Variants in CHRM3 observed in about 807,000 individuals in gnomAD.
CHRM3 encodes the protein cholinergic receptor muscarinic 3.
Under a neutral mutation model 41.8 loss-of-function variants are expected in CHRM3, and 11 were observed. The observed-to-expected ratio is 0.26, with a 90% CI of 0.17 to 0.44. The LOEUF (loss-of-function observed/expected upper bound fraction) is 0.44. CHRM3 is among the 20% of genes least tolerant of loss of function. The pLI is 1.00. For synonymous variants in CHRM3, 297 were observed against 301.4 expected (o/e 0.99, Z 0.15); for missense variants, 571 against 745.4 (o/e 0.77, Z 2.72).
At chr1:239,664,219 C>G (rs1176285121) in intron 4 of CHRM3, among the ~76,000 whole-genome samples, 3 of 152,222 alleles carry the variant, frequency 2.0e-5, no homozygotes. Context: ...AAAGCGTTAT[C>G]TTCACGTAAG....
At chr1:239,752,632 A>T (rs1019869578) in intron 5 of CHRM3, among the ~76,000 whole-genome samples, 1 of 152,142 alleles carries the variant, frequency 6.6e-6, no homozygotes, top group East Asian at 1.9e-4. Flanking sequence ...TACCATGTGG[A>T]TTTACCTTTT....
chr1:239,652,758 C>T (rs1672350726), intron 4 of CHRM3, among the ~76,000 whole-genome samples: 1 of 152,150 alleles, frequency 6.6e-6, no homozygotes, highest in African/African-American at 2.4e-5. Flanking sequence ...AGTCCCTTAA[C>T]CTCTTTGAGC....
intron 6 of CHRM3, among the ~76,000 whole-genome samples, chr1:239,882,084 T>C (rs923495672): frequency 8.5e-5 from 13 of 152,124 alleles, no homozygotes; most frequent in African/African-American, 3.1e-4. Flanking sequence ...TTTTGTATTT[T>C]TTTAGTAGAG....
rs528562777 is a variant in CHRM3 at position 239,420,109 on chromosome 1, G to C, written c.-521+32882G>C. 1.1e-4 allele frequency among the ~76,000 whole-genome samples: 17 copies of C among 152,310 alleles called. No homozygotes were observed. In the South Asian group the frequency reaches 2.1e-3, roughly 19 times the overall value. On this transcript the variant is annotated intron_variant, in intron 1 of 6. Coordinates refer to ENST00000676153, the MANE Select transcript of CHRM3 (RefSeq NM_001375978.1). ...AGCTGGGCCTGTAGTTTGAGGAGTA[G>C]AGTAAGAAGGCTTCTCTTTTTGGAG...
chr1:239,674,758 C>CAATTCAAA (rs1257118057), intron 4 of CHRM3, among the ~76,000 whole-genome samples: 2 of 150,394 alleles, frequency 1.3e-5, no homozygotes, highest in African/African-American at 4.9e-5. Context: ...ATCAGACAAG[C>CAATTCAAA]AATTCAAATC....
intron 3 of CHRM3, among the ~76,000 whole-genome samples, chr1:239,611,620 C>G (rs534602538): frequency 6.6e-6 from 1 of 151,990 alleles, no homozygotes; most frequent in Non-Finnish European, 1.5e-5. Flanking sequence ...GGGGTTTCAC[C>G]ATGTTGGCCA....
At chr1:239,637,718 TTTTTTTG>T (rs1462282057) in intron 4 of CHRM3, among the ~76,000 whole-genome samples, 1 of 149,746 alleles carries the variant, frequency 6.7e-6, no homozygotes, top group Non-Finnish European at 1.5e-5. Flanking sequence ...TTCTTTTTTT[TTTTTTTG>T]GGGAATTTGT....
intron 2 of CHRM3, among the ~76,000 whole-genome samples, chr1:239,533,739 AAAAAAAAAAAAC>A (rs1234938583): frequency 3.4e-5 from 5 of 147,816 alleles, no homozygotes; most frequent in African/African-American, 1.2e-4. Flanking sequence ...CTCAAAAAAA[AAAAAAAAAAAAC>A]AAAAAAACCC....
At chr1:239,752,294 CTG>C (rs772757632) in intron 5 of CHRM3, among the ~76,000 whole-genome samples, 4 of 152,264 alleles carry the variant, frequency 2.6e-5, no homozygotes, top group Middle Eastern at 6.8e-3. Flanking sequence ...GGGAAAAAGA[CTG>C]TAGTTAGGCA....
chr1:239,805,452 C>G (rs1289744462), intron 5 of CHRM3, among the ~76,000 whole-genome samples: 1 of 152,116 alleles, frequency 6.6e-6, no homozygotes, highest in African/African-American at 2.4e-5. Context: ...AAGCTTATAA[C>G]TTAGGTATTA....
intron 1 of CHRM3, among the ~76,000 whole-genome samples, chr1:239,412,197 T>TCCTC (rs1661132628): frequency 6.8e-6 from 1 of 146,480 alleles, no homozygotes; most frequent in African/African-American, 2.5e-5. Context: ...TTGTCTCAGG[T>TCCTC]CCTCCCTCCC....
intron 5 of CHRM3, among the ~76,000 whole-genome samples, chr1:239,775,662 G>T (rs1248193599): frequency 6.6e-6 from 1 of 152,136 alleles, no homozygotes; most frequent in South Asian, 2.1e-4. Context: ...GAAAGCACAA[G>T]GTATTGTAAA....
At chr1:239,873,872 C>T (rs1338440275) in intron 6 of CHRM3, among the ~76,000 whole-genome samples, 1 of 152,118 alleles carries the variant, frequency 6.6e-6, no homozygotes, top group East Asian at 1.9e-4. Context: ...CAGCTGAAGT[C>T]CCCCCTCTCC....
chr1:239,802,498 G>T (rs1012812759), intron 5 of CHRM3, among the ~76,000 whole-genome samples: 1 of 152,180 alleles, frequency 6.6e-6, no homozygotes, highest in African/African-American at 2.4e-5. Flanking sequence ...GCCCTCTGTT[G>T]TCCAACAGCA....
chr1:239,911,249 A>G lies in CHRM3; in HGVS notation c.*2025A>G, dbSNP rs1360820293. 6.1e-6 allele frequency: 1 copy of G among 164,074 alleles called. No homozygotes were observed. The highest frequency in any genetic ancestry group is 1.9e-4 in the East Asian group (1 of 5,188). 10.2% of individuals were successfully genotyped at this position (164,074 alleles called of 1,614,324 possible). A position where few individuals can be genotyped will look rare whatever the true frequency, so the allele number is the denominator to read the frequency against. The stretch of plus-strand genomic sequence containing the variant: ...ACCATTGTGTCTGAAATCATTTTAC[A>G]CAGGGAAAAAAAAAAACAATCAGCA... On this transcript the variant is annotated 3_prime_UTR_variant, in exon 7 of 7. Transcript: ENST00000676153.
chr1:239,799,871 C>T (rs914808461), intron 5 of CHRM3, among the ~76,000 whole-genome samples: 14 of 152,052 alleles, frequency 9.2e-5, no homozygotes, highest in Non-Finnish European at 5.9e-5. Flanking sequence ...AATGAGAGCA[C>T]GTTGGAAGCT....
At chr1:239,650,900 A>C (rs1206659881) in intron 4 of CHRM3, among the ~76,000 whole-genome samples, 1 of 152,224 alleles carries the variant, frequency 6.6e-6, no homozygotes, top group Non-Finnish European at 1.5e-5. Flanking sequence ...ATCACACATT[A>C]ATATATGTAA....
chr1:239,388,760 A>G (rs1266066581), intron 1 of CHRM3, among the ~76,000 whole-genome samples: 1 of 152,248 alleles, frequency 6.6e-6, no homozygotes, highest in Admixed American at 6.5e-5. Context: ...TGCAAGGAAC[A>G]TGCCTGCTTC....
intron 6 of CHRM3, among the ~76,000 whole-genome samples, chr1:239,842,236 T>TG (rs2149170042): frequency 6.7e-6 from 1 of 150,114 alleles, no homozygotes; most frequent in South Asian, 2.1e-4. Context: ...TTGAGGGGGT[T>TG]GGGGGGACAG....
Sources: allele counts gnomAD v4.1 joint callset (sites outside exome capture counted in the v4.1 genomes callset), GRCh38; gene constraint gnomAD v4.1.1; transcripts MANE v1.5; gene names NCBI Gene and HGNC (gene_info 2026-07-23, HGNC 2026-07-21).